FREM1: variants seen among roughly 807,000 people sequenced by gnomAD.
FREM1 encodes FRAS1 related extracellular matrix 1.
A neutral mutation model predicts 210.1 loss-of-function variants in FREM1; 220 were observed. The observed-to-expected ratio is 1.05, with a 90% confidence interval of 0.94 to 1.17. FREM1 has a LOEUF of 1.17. Among genes scored for constraint, FREM1 ranks in the 50% most tolerant of loss-of-function variants. The pLI is 0.00. For missense variants in FREM1, 3,454 were observed against 2,675.5 expected, an observed-to-expected ratio of 1.29 and a Z score of -6.42; for synonymous variants, 1,189 against 980.2, an observed-to-expected ratio of 1.21 and a Z score of -3.98.
Position 14,863,791 on chromosome 9 carries a change from T to C in FREM1, c.329+18A>G, listed in dbSNP as rs1289291300. On this transcript the variant is annotated intron_variant, in intron 3 of 36. Coordinates refer to ENST00000380880, the MANE Select transcript of FREM1 (RefSeq NM_001379081.2). Reference sequence around the variant, plus strand: ...TGGTTACTTGGCAGCAAATGAGCGATGTTCCCGTGCCGCTTACCTGTAAAG... The same window carrying C: ...TGGTTACTTGGCAGCAAATGAGCGACGTTCCCGTGCCGCTTACCTGTAAAG... 2 of 1,514,800 alleles carry C rather than the reference T, an allele frequency of 1.3e-6. No homozygotes were observed. 93.8% of individuals were successfully genotyped at this position (1,514,800 alleles called of 1,614,324 possible).
chr9:14,747,388 A>T lies in FREM1; in HGVS notation c.5885T>A (p.Phe1962Tyr), dbSNP rs779825488. ...IVSLKLEDDS[F>Y]PTHKRKAKVS... ...TTTGGCCTTCCTTTTGTGAGTTGGG[A>T]AACTGTCATCCTCCAGTTTCAAGGA... The change falls in exon 33 of 37, where the codon TTC (phenylalanine) becomes TAC (tyrosine). Residue 1962 changes from phenylalanine to tyrosine, a missense_variant. Physicochemically the swap from Phe to Tyr is conservative, Grantham distance 22. Coordinates refer to ENST00000380880, the MANE Select transcript of FREM1 (RefSeq NM_001379081.2). The T allele has an allele frequency of 6.2e-7, 1 of 1,613,690 alleles. No individual in the cohort carries two copies. The highest frequency in any genetic ancestry group is 1.1e-5 in the South Asian group (1 of 91,064).
intron 1 of FREM1, among the ~76,000 whole-genome samples, chr9:14,907,673 G>C (rs1409539492): frequency 6.6e-6 from 1 of 152,176 alleles, no homozygotes; most frequent in Non-Finnish European, 1.5e-5. Context: ...CAATATTCCT[G>C]TGGTCATGGT....
Position 14,758,384 on chromosome 9 carries a change from C to T in FREM1, c.5334+1388G>A, listed in dbSNP as rs541333944. Reference sequence around the variant, plus strand: ...AGCATATGGTGCTTTCTATGGAGGACGGGAGGATTATTAGAAAACCATCCA... The same window carrying T: ...AGCATATGGTGCTTTCTATGGAGGATGGGAGGATTATTAGAAAACCATCCA... On this transcript the variant is annotated intron_variant, in intron 28 of 36. Transcript: ENST00000380880. 5.8e-4 allele frequency among the ~76,000 whole-genome samples: 88 copies of T among 152,188 alleles called. 1 individual carries two copies. The highest frequency in any genetic ancestry group is 2.0e-3 in the African/African-American group (81 of 41,530).
At chr9:14,821,266 G>T (rs1475415962) in intron 13 of FREM1, among the ~76,000 whole-genome samples, 1 of 151,806 alleles carries the variant, frequency 6.6e-6, no homozygotes, top group Non-Finnish European at 1.5e-5. Flanking sequence ...TATTTCATTT[G>T]CCCCATATAC....
chr9:14,770,523 G>C lies in FREM1; in HGVS notation c.5059+82C>G. The C allele has an allele frequency of 5.9e-6, 6 of 1,012,826 alleles. 1 individual carries two copies. In the South Asian group the frequency reaches 8.0e-5, roughly 13 times the overall value. 62.7% of individuals were successfully genotyped at this position (1,012,826 alleles called of 1,614,324 possible). On this transcript the variant is annotated intron_variant, in intron 26 of 36. Transcript: ENST00000380880. ...TGGGGAGTGTTTACCAAATGGGCCT[G>C]CACTTAATTAAATTACTCTCTAGCC...
In FREM1 at chr9:14,746,356, T is replaced by G. The variant is rs1453001607; in HGVS notation, c.6251A>C (p.Glu2084Ala). 6.8e-6 allele frequency: 11 copies of G among 1,611,358 alleles called. No homozygotes were observed. Among genetic ancestry groups the G allele is most frequent in the Non-Finnish European group, 9.3e-6 (11 of 1,177,670 alleles). Residue 2084 changes from glutamate (E) to alanine (A), a missense_variant, in exon 35 of 37, where the codon GAA (glutamate) becomes GCA (alanine). Coordinates refer to ENST00000380880, the MANE Select transcript of FREM1 (RefSeq NM_001379081.2). ...AATGTGCAATAGGGTGCCTTACTGT[T>G]CCCTGCAAGCTTGGGCAGCCGCATT... ...TWNAAAQACR[E>A]QYLGNLVTVF...
intron 6 of FREM1, among the ~76,000 whole-genome samples, chr9:14,849,493 A>G (rs981843460): frequency 8.5e-5 from 13 of 152,232 alleles, no homozygotes; most frequent in African/African-American, 3.1e-4. Context: ...GAGAAGAATG[A>G]GGTATAACAC....
chr9:14,827,088 G>C (rs1407595242), intron 10 of FREM1, among the ~76,000 whole-genome samples: 1 of 152,208 alleles, frequency 6.6e-6, no homozygotes, highest in African/African-American at 2.4e-5. Context: ...GAAGAATTTG[G>C]AGAAGTAGGC....
rs750566875 is a variant in FREM1, at chr9:14,851,600, C to T, written c.836G>A (p.Ser279Asn). The stretch of plus-strand genomic sequence containing the variant: ...TCTGATATAGACAGGCAGCCACGCA[C>T]TCTCTGACTTTTGAAGGATAGAGAA... Reference protein sequence around the residue: ...TRSKIVYKSESAWLPVYIRAG... With the variant: ...TRSKIVYKSENAWLPVYIRAG... The change falls in exon 6 of 37, where the codon AGT becomes AAT. Residue 279 changes from serine to asparagine, a missense_variant. Coordinates refer to ENST00000380880, the MANE Select transcript of FREM1 (RefSeq NM_001379081.2). 1.9e-6 allele frequency: 3 copies of T among 1,612,270 alleles called. No homozygotes were observed. Among genetic ancestry groups the T allele is most frequent in the South Asian group, 1.1e-5 (1 of 91,034 alleles).
At chr9:14,747,967 T>A (rs1842758280) in intron 31 of FREM1, among the ~76,000 whole-genome samples, 1 of 152,198 alleles carries the variant, frequency 6.6e-6, no homozygotes, top group Non-Finnish European at 1.5e-5. Flanking sequence ...TACATCTTTA[T>A]TTTTTGGTAT....
Position 14,759,915 on chromosome 9 carries a change from G to A in FREM1, c.5205-14C>T, listed in dbSNP as rs77061232. The A allele has an allele frequency of 4.0e-4, 648 of 1,600,662 alleles. 3 individuals are homozygous for A. The African/African-American group carries it at 5.6e-3, about 14-fold the overall frequency. ...TTCAGTTCCAAACTGTGTGTGAAAGGAAAAGAGAAATCATGAGAATGCATA... is the reference window on the plus strand; with the variant it reads ...TTCAGTTCCAAACTGTGTGTGAAAGAAAAAGAGAAATCATGAGAATGCATA... On this transcript the variant is annotated splice_polypyrimidine_tract_variant and intron_variant, in intron 27 of 36. Transcript: ENST00000380880.
chr9:14,759,986 CG>C, intron 27 of FREM1, 85 bp from the exon 28 acceptor site: 1 of 1,135,684 alleles, frequency 8.8e-7, no homozygotes, highest in Non-Finnish European at 1.2e-6. Flanking sequence ...AGTGGAAAAA[CG>C]TGGTTGATCA....
chr9:14,856,173 C>G (rs747548308), intron 5 of FREM1, among the ~76,000 whole-genome samples: 23 of 152,238 alleles, frequency 1.5e-4, no homozygotes, highest in Middle Eastern at 3.4e-3. Context: ...ATTTAATCCT[C>G]TCAGTTACTC....
At chr9:14,898,303 C>T (rs763133293) in intron 1 of FREM1, among the ~76,000 whole-genome samples, 1 of 152,226 alleles carries the variant, frequency 6.6e-6, no homozygotes, top group Non-Finnish European at 1.5e-5. Context: ...AAGTTGCCAG[C>T]ACACACATAG....
chr9:14,758,810 T>C (rs1045327300), intron 28 of FREM1, among the ~76,000 whole-genome samples: 1 of 152,166 alleles, frequency 6.6e-6, no homozygotes, highest in Admixed American at 6.5e-5. Context: ...CTAGAAGCCA[T>C]AGGTTGTGCT....
At chr9:14,879,790 A>G (rs1198034630) in intron 1 of FREM1, among the ~76,000 whole-genome samples, 1 of 152,200 alleles carries the variant, frequency 6.6e-6, no homozygotes, top group Non-Finnish European at 1.5e-5. Flanking sequence ...ATACATGTAG[A>G]TGGAGACATG....
intron 35 of FREM1, among the ~76,000 whole-genome samples, chr9:14,745,432 T>C (rs1483403488): frequency 6.6e-6 from 1 of 152,194 alleles, no homozygotes; most frequent in East Asian, 1.9e-4. Context: ...ACATCTACTC[T>C]TGCGAAGACT....
chr9:14,841,693 T>A, intron 9 of FREM1, 104 bp from the exon 10 acceptor site: 24 of 735,754 alleles, frequency 3.3e-5, no homozygotes, highest in Non-Finnish European at 4.5e-5. Context: ...TCTAGTACAT[T>A]CTATGTACCC....
intron 10 of FREM1, among the ~76,000 whole-genome samples, chr9:14,828,463 GT>G (rs1822892393): frequency 6.6e-6 from 1 of 152,058 alleles, no homozygotes; most frequent in East Asian, 1.9e-4. Context: ...GGGGAAATTT[GT>G]TTCAGGATGA....
Sources: allele counts gnomAD v4.1 joint callset (sites outside exome capture counted in the v4.1 genomes callset), GRCh38; gene constraint gnomAD v4.1.1; transcripts MANE v1.5; gene names NCBI Gene and HGNC (gene_info 2026-07-23, HGNC 2026-07-21).